POT1: variants seen among roughly 807,000 people sequenced by gnomAD.
The protein encoded by POT1 is protection of telomeres 1.
POT1 carries 47 observed loss-of-function variants against 78.5 expected under a neutral mutation model. That is an observed-to-expected ratio of 0.60 (90% CI 0.47 to 0.76). The LOEUF (loss-of-function observed/expected upper bound fraction) is 0.76, where lower values mean the gene tolerates loss of function less well. Among genes scored for constraint, POT1 ranks in the 30% least tolerant of loss-of-function variants. The probability of loss-of-function intolerance (pLI) is 0.00; values close to 1 mark genes in which losing one functional copy is unlikely to be tolerated. For synonymous variants in POT1, 259 were observed against 260.7 expected (o/e 0.99, Z 0.06); for missense variants, 646 against 749.9 (o/e 0.86, Z 1.62).
intron 3 of POT1, among the ~76,000 whole-genome samples, chr7:124,909,632 CATT>C (rs1461370414): frequency 1.3e-5 from 2 of 151,728 alleles, no homozygotes; most frequent in Admixed American, 1.3e-4. Flanking sequence ...CTTGACTTAC[CATT>C]ATTAACAACC....
chr7:124,888,000 A>AT (rs1796285404), intron 6 of POT1, among the ~76,000 whole-genome samples: 1 of 152,038 alleles, frequency 6.6e-6, no homozygotes, highest in South Asian at 2.1e-4. Flanking sequence ...ATATATATAC[A>AT]CCTCTGTATC....
At chr7:124,871,790 T>C (rs1795877588) in intron 6 of POT1, among the ~76,000 whole-genome samples, 1 of 151,868 alleles carries the variant, frequency 6.6e-6, no homozygotes, top group Non-Finnish European at 1.5e-5. Context: ...TGGTGTGCTA[T>C]ACATGGTTCT....
intron 3 of POT1, among the ~76,000 whole-genome samples, chr7:124,912,124 T>C (rs879562637): frequency 6.6e-6 from 1 of 152,082 alleles, no homozygotes; most frequent in Non-Finnish European, 1.5e-5. Context: ...ATAATAGTAA[T>C]GACAATAATA....
intron 5 of POT1, 49 bp downstream of exon 5, chr7:124,897,116 T>G (rs776212472): frequency 4.1e-6 from 5 of 1,232,882 alleles, no homozygotes; most frequent in Non-Finnish European, 4.5e-6. Context: ...GTGTGTGGCA[T>G]ATACAGGTAT....
intron 9 of POT1, among the ~76,000 whole-genome samples, chr7:124,858,358 T>C (rs1795497791): frequency 6.6e-6 from 1 of 152,156 alleles, no homozygotes; most frequent in African/African-American, 2.4e-5. Flanking sequence ...ATAAAAGATA[T>C]AATAGAGAAA....
At chr7:124,825,519 C>T (rs371859639) in intron 17 of POT1, among the ~76,000 whole-genome samples, 162 bp from the exon 18 acceptor site, 7 of 151,972 alleles carry the variant, frequency 4.6e-5, no homozygotes, top group African/African-American at 1.7e-4. Flanking sequence ...GTCTCAACTC[C>T]AAAATCTTAT....
chr7:124,841,782 T>C (rs1466687691), intron 13 of POT1, among the ~76,000 whole-genome samples: 1 of 152,090 alleles, frequency 6.6e-6, no homozygotes, highest in Non-Finnish European at 1.5e-5. Flanking sequence ...CCTTATTTGT[T>C]TAAAAAATGA....
chr7:124,903,924 T>C (rs1183226981), intron 3 of POT1, among the ~76,000 whole-genome samples: 4 of 151,980 alleles, frequency 2.6e-5, no homozygotes, highest in Admixed American at 6.6e-5. Flanking sequence ...CTAGAAGAAA[T>C]GGATAAATTA....
chr7:124,882,139 A>T (rs1413208358), intron 6 of POT1, among the ~76,000 whole-genome samples: 1 of 152,026 alleles, frequency 6.6e-6, no homozygotes, highest in Admixed American at 6.6e-5. Context: ...AGTTCATCTT[A>T]GCAAGGTTTT....
At chr7:124,851,311 A>C (rs1023458041) in intron 11 of POT1, among the ~76,000 whole-genome samples, 8 of 152,066 alleles carry the variant, frequency 5.3e-5, no homozygotes, top group African/African-American at 1.9e-4. Context: ...TCTTAAACAA[A>C]CAAAAACCCA....
In POT1 at chr7:124,889,895, A is replaced by G. The variant is rs552048462; in HGVS notation, c.124+2371T>C. The stretch of plus-strand genomic sequence containing the variant: ...AGCTCTGATGGAGATGTTCAAGATC[A>G]ATGTTATTTTCATGCCTGCTAATAC... On this transcript the variant is annotated intron_variant, in intron 6 of 18. Coordinates refer to ENST00000357628, the MANE Select transcript of POT1 (RefSeq NM_015450.3). Among the ~76,000 whole-genome samples the G allele has an allele frequency of 2.6e-4, 39 of 152,138 alleles. 2 individuals are homozygous for G. In the South Asian group the frequency reaches 7.2e-3, roughly 28 times the overall value.
Position 124,824,071 on chromosome 7 carries a change from G to C in POT1, c.1796C>G (p.Ala599Gly). 6.4e-7 allele frequency: 1 copy of C among 1,574,338 alleles called. No homozygotes were observed. Among genetic ancestry groups the C allele is most frequent in the Non-Finnish European group, 8.7e-7 (1 of 1,154,596 alleles). ...MFCPPGIKID[A>G]YPWLECFIKS... Reference sequence around the variant, plus strand: ...GATGAAGCATTCCAACCACGGATATGCATCTACAAAAACAAAAACAAAAAA... The same window carrying C: ...GATGAAGCATTCCAACCACGGATATCCATCTACAAAAACAAAAACAAAAAA... Residue 599 changes from alanine (A) to glycine (G), a missense_variant, in exon 19 of 19, where the codon GCA becomes GGA. Physicochemically the swap from Ala to Gly is moderately conservative, Grantham distance 60. Transcript: ENST00000357628.
chr7:124,896,824 A>T (rs1261581273), intron 5 of POT1, among the ~76,000 whole-genome samples: 1 of 151,692 alleles, frequency 6.6e-6, no homozygotes, highest in Middle Eastern at 3.2e-3. Flanking sequence ...ATACAAGCTA[A>T]TGTAAAAAGA....
At chr7:124,903,249 C>T (rs6960139) in intron 3 of POT1, among the ~76,000 whole-genome samples, 90,868 of 151,406 alleles carry the variant, frequency 0.6, 27,349 homozygotes, top group African/African-American at 0.65. Flanking sequence ...ATCGCACTTA[C>T]TCCAAAACTG....
At position 124,825,810 on chromosome 7, in the gene POT1, C is replaced by T. The variant is rs142007406; in HGVS notation, c.1687-453G>A. On this transcript the variant is annotated intron_variant, in intron 17 of 18. Transcript: ENST00000357628. ...TGTGTCTCCATCACATAGGATAGTA[C>T]CTAGTACATAGCAGGTGCTCATTAA... is the stretch of plus-strand genomic sequence containing the variant. Among the ~76,000 whole-genome samples, 112 of 152,178 alleles carry T rather than the reference C, an allele frequency of 7.4e-4. 1 individual carries two copies. The Middle Eastern group carries it at 0.01, about 14-fold the overall frequency.
chr7:124,904,671 A>C (rs866767740), intron 3 of POT1, among the ~76,000 whole-genome samples: 9 of 152,168 alleles, frequency 5.9e-5, no homozygotes, highest in Admixed American at 6.5e-5. Context: ...GAAAGAAATA[A>C]AGGGTATTCA....
chr7:124,906,719 T>C (rs1271792776), intron 3 of POT1, among the ~76,000 whole-genome samples: 1 of 152,162 alleles, frequency 6.6e-6, no homozygotes, highest in Non-Finnish European at 1.5e-5. Context: ...CTTCTGTTCA[T>C]AGTGTTCAAC....
chr7:124,888,069 C>T (rs1011863753), intron 6 of POT1, among the ~76,000 whole-genome samples: 1 of 152,066 alleles, frequency 6.6e-6, no homozygotes, highest in East Asian at 1.9e-4. Context: ...GCCAGGAAAC[C>T]TTTCCCCTGT....
At chr7:124,841,514 G>A (rs1400392034) in intron 13 of POT1, among the ~76,000 whole-genome samples, 1 of 151,712 alleles carries the variant, frequency 6.6e-6, no homozygotes, top group Non-Finnish European at 1.5e-5. Context: ...AAATTTCCCA[G>A]TAGGAGAAAA....
Sources: gnomAD v4.1 joint callset for allele counts (sites outside exome capture counted in the v4.1 genomes callset) on GRCh38, gnomAD v4.1.1 for gene constraint, MANE v1.5 for transcripts, NCBI Gene and HGNC (gene_info 2026-07-23, HGNC 2026-07-21) for gene names.